Variants in CNOT7 observed in about 807,000 individuals in gnomAD.
The protein encoded by CNOT7 is BTG1-binding factor 1.
A neutral mutation model predicts 37.1 loss-of-function variants in CNOT7; 4 were observed. That is an observed-to-expected ratio of 0.11 (90% CI 0.05 to 0.25). The LOEUF (loss-of-function observed/expected upper bound fraction) is 0.25. Ranked by LOEUF, CNOT7 falls within the 10% of genes least tolerant of loss-of-function variation. The probability of loss-of-function intolerance (pLI) is 1.00; values close to 1 mark genes in which losing one functional copy is unlikely to be tolerated. For missense variants in CNOT7, 170 were observed against 336.2 expected (o/e 0.51, Z 3.87); for synonymous variants, 128 against 115.6 (o/e 1.11, Z -0.69).
rs899921433 is a variant in CNOT7, at chr8:17,237,378, C to G, written c.312-5G>C. On this transcript the variant is annotated splice_region_variant and splice_polypyrimidine_tract_variant and intron_variant, in intron 3 of 6. Coordinates refer to ENST00000361272, the MANE Select transcript of CNOT7 (RefSeq NM_013354.7). ...TCCTGGGCATACATGTCCTCCCTGG[C>G]AGAAGAAAGAGAAAGACAACATTCA... The G allele has an allele frequency of 1.2e-6, 2 of 1,612,696 alleles. No individual in the cohort carries two copies. The highest frequency in any genetic ancestry group is 1.7e-6 in the Non-Finnish European group (2 of 1,179,296).
intron 3 of CNOT7, 64 bp from the exon 4 acceptor site, chr8:17,237,437 G>A: frequency 1.3e-6 from 2 of 1,481,730 alleles, no homozygotes; most frequent in Non-Finnish European, 1.9e-6. Context: ...CTGTTCTTCT[G>A]CTTACATCTA....
At chr8:17,245,863 T>C (rs567418599) in intron 1 of CNOT7, 5 of 152,150 alleles carry the variant, frequency 3.3e-5, no homozygotes, top group South Asian at 4.1e-4. Flanking sequence ...TTACCAAAGA[T>C]AGATGTCACA....
chr8:17,239,372 ACTCT>A (rs767826075), intron 3 of CNOT7, among the ~76,000 whole-genome samples: 2 of 151,350 alleles, frequency 1.3e-5, no homozygotes, highest in Non-Finnish European at 1.5e-5. Flanking sequence ...TTCTTATGGC[ACTCT>A]CTATCTCCTT....
intron 2 of CNOT7, 40 bp downstream of exon 2, chr8:17,244,996 C>T (rs1810708769): frequency 6.7e-7 from 1 of 1,482,770 alleles, no homozygotes; most frequent in South Asian, 1.2e-5. Context: ...CCTTTTCCTC[C>T]TTTATATGAA....
chr8:17,241,598 T>C (rs1810175767), intron 3 of CNOT7: 1 of 152,204 alleles, frequency 6.6e-6, no homozygotes, highest in Admixed American at 6.5e-5. Context: ...TTTCACTATT[T>C]TACCTACCAG....
intron 6 of CNOT7, chr8:17,232,063 G>A (rs2150970130): frequency 9.7e-7 from 1 of 1,028,364 alleles, no homozygotes; most frequent in Non-Finnish European, 1.2e-6. Context: ...CTTGTAGGAG[G>A]AGCACCAATG....
At chr8:17,231,820 G>A (rs1055461720) in intron 6 of CNOT7, 5 of 985,466 alleles carry the variant, frequency 5.1e-6, no homozygotes, top group Non-Finnish European at 4.8e-6. Flanking sequence ...GCCTTTTGCC[G>A]TTTAAGGAGG....
At chr8:17,243,266 A>T in intron 2 of CNOT7, 81 bp from the exon 3 acceptor site, 1 of 1,070,670 alleles carries the variant, frequency 9.3e-7, no homozygotes, top group South Asian at 1.6e-5. Context: ...GATGCAAATC[A>T]AAGAATCCTA....
chr8:17,230,905 G>A lies in CNOT7; in HGVS notation c.730-57C>T, dbSNP rs1585772710. 2.3e-6 allele frequency: 3 copies of A among 1,288,632 alleles called. No homozygotes were observed. The East Asian group carries it at 7.4e-5, about 32-fold the overall frequency. The allele number at this position is 1,288,632 out of a possible 1,614,324, so 79.8% of individuals were successfully genotyped here. On this transcript the variant is annotated intron_variant, in intron 6 of 6. Transcript: ENST00000361272. ...TAATTTTAACCAAAAGGAACCACTTGTAATTTATATTTCAGCAATGTAAGT... is the reference window on the plus strand; with the variant it reads ...TAATTTTAACCAAAAGGAACCACTTATAATTTATATTTCAGCAATGTAAGT...
rs1324265143 is a variant in CNOT7 at position 17,243,283 on chromosome 8, A to G, written c.118-98T>C. The G allele has an allele frequency of 9.0e-6, 8 of 884,392 alleles. No homozygotes were observed. In the East Asian group the frequency reaches 1.7e-4, roughly 19 times the overall value. The allele number at this position is 884,392 out of a possible 1,614,324, so 54.8% of individuals were successfully genotyped here. A position where few individuals can be genotyped will look rare whatever the true frequency, so the allele number is the denominator to read the frequency against. ...TGCAAATCAAAGAATCCTACAGATG[A>G]TATTCTACACATTTATATTCAATTA... On this transcript the variant is annotated intron_variant, in intron 2 of 6. Transcript: ENST00000361272.
Position 17,244,773 on chromosome 8 carries a change from A to G in CNOT7, c.117+263T>C, listed in dbSNP as rs549247955. On this transcript the variant is annotated intron_variant, in intron 2 of 6. Transcript: ENST00000361272. ...CCTAAGACCACCTGACACGAGCCCA[A>G]ATCCTTCCTAACTCTTATTCAAACG... The G allele has an allele frequency of 3.5e-5, 12 of 343,032 alleles. No individual in the cohort carries two copies. In the South Asian group the frequency reaches 4.6e-4, roughly 13 times the overall value. 21.2% of individuals were successfully genotyped at this position (343,032 alleles called of 1,614,324 possible).
intron 4 of CNOT7, 26 bp downstream of exon 4, chr8:17,237,186 T>C (rs763315586): frequency 6.2e-7 from 1 of 1,608,922 alleles, no homozygotes; most frequent in South Asian, 1.1e-5. Context: ...GAAAAACAAA[T>C]GCCATTTTCA....
intron 5 of CNOT7, among the ~76,000 whole-genome samples, chr8:17,234,403 T>C (rs1809057457): frequency 6.6e-6 from 1 of 152,196 alleles, no homozygotes; most frequent in African/African-American, 2.4e-5. Context: ...ATGGCGTGCA[T>C]ATGAGAGCCT....
rs892311924 is a variant in CNOT7, at chr8:17,229,146, G to A, written c.*1574C>T. 1.3e-5 allele frequency: 2 copies of A among 151,940 alleles called. No individual in the cohort carries two copies. The highest frequency in any genetic ancestry group is 2.4e-5 in the African/African-American group (1 of 41,426). The allele number at this position is 151,940 out of a possible 1,614,324, so 9.4% of individuals were successfully genotyped here. On this transcript the variant is annotated 3_prime_UTR_variant, in exon 7 of 7. Transcript: ENST00000361272. ...TCTAGGGTTAATGAAGGAAGTTACT[G>A]AATTCTGTTGAGTTGCCCAAATAAA...
chr8:17,236,700 G>A (rs1209560690), intron 4 of CNOT7, among the ~76,000 whole-genome samples: 2 of 152,106 alleles, frequency 1.3e-5, no homozygotes, highest in African/African-American at 4.8e-5. Context: ...ATCACAACGT[G>A]AACTCCATTT....
chr8:17,242,954 A>G, intron 3 of CNOT7, 38 bp downstream of exon 3: 1 of 1,450,034 alleles, frequency 6.9e-7, no homozygotes, highest in Non-Finnish European at 9.2e-7. Context: ...AAAGAAAAAA[A>G]AAAAAAAGTC....
Position 17,227,773 on chromosome 8 carries a change from A to G in CNOT7, c.*2947T>C, listed in dbSNP as rs1243547432. On this transcript the variant is annotated 3_prime_UTR_variant, in exon 7 of 7. Coordinates refer to ENST00000361272, the MANE Select transcript of CNOT7 (RefSeq NM_013354.7). ...TATAAACACAATGTACCAGCATATA[A>G]TAAAATAGTCCATATTCCAATGTGC... 1 of 151,918 alleles carries G rather than the reference A, an allele frequency of 6.6e-6. No individual in the cohort carries two copies. The allele number at this position is 151,918 out of a possible 1,614,324, so 9.4% of individuals were successfully genotyped here.
At position 17,225,633 on chromosome 8, in the gene CNOT7, ATTT is replaced by A. The variant is rs1286348342; in HGVS notation, c.*5084_*5086del. On this transcript the variant is annotated 3_prime_UTR_variant, in exon 7 of 7. Coordinates refer to ENST00000361272, the MANE Select transcript of CNOT7 (RefSeq NM_013354.7). Reference sequence around the variant, plus strand: ...CTTGGAATTTTCATTCTATGGTGACATTTTTTTAACTTTCAAAACCTGAAATGA... The same window carrying A: ...CTTGGAATTTTCATTCTATGGTGACATTTTAACTTTCAAAACCTGAAATGA... 1.3e-5 allele frequency: 2 copies of A among 151,772 alleles called. No homozygotes were observed. The highest frequency in any genetic ancestry group is 3.0e-5 in the Non-Finnish European group (2 of 67,734). The allele number at this position is 151,772 out of a possible 1,614,324, so 9.4% of individuals were successfully genotyped here.
intron 3 of CNOT7, chr8:17,241,676 T>G (rs1002769904): frequency 2.0e-5 from 3 of 152,126 alleles, no homozygotes; most frequent in Non-Finnish European, 4.4e-5. Context: ...CAACATACAG[T>G]TAAGTACTCA....
Sources: gnomAD v4.1 joint callset for allele counts (sites outside exome capture counted in the v4.1 genomes callset) on GRCh38, gnomAD v4.1.1 for gene constraint, MANE v1.5 for transcripts, NCBI Gene and HGNC (gene_info 2026-07-23, HGNC 2026-07-21) for gene names.